OSCP1: variants seen among roughly 807,000 people sequenced by gnomAD.
The protein encoded by OSCP1 is organic solute carrier partner 1.
In OSCP1, 35 loss-of-function variants were observed where a neutral mutation model predicts 45.1. That is an observed-to-expected ratio of 0.78 (90% CI 0.59 to 1.03). The LOEUF (loss-of-function observed/expected upper bound fraction) is 1.03, where lower values mean the gene tolerates loss of function less well. OSCP1 is among the 50% of genes least tolerant of loss of function. The pLI, the probability that OSCP1 is intolerant of heterozygous loss-of-function variation, is 0.00. For synonymous variants in OSCP1, 179 were observed against 180.1 expected (o/e 0.99, Z 0.05); for missense variants, 400 against 470.7 (o/e 0.85, Z 1.39).
At chr1:36,425,172 C>CAAAAAA in intron 4 of OSCP1, among the ~76,000 whole-genome samples, 1 of 118,432 alleles carries the variant, frequency 8.4e-6, no homozygotes, top group Non-Finnish European at 1.8e-5. Flanking sequence ...GACTCTGTCT[C>CAAAAAA]AAAAAAAAAA....
chr1:36,432,189 C>G (rs1194703568), intron 3 of OSCP1, among the ~76,000 whole-genome samples: 2 of 152,178 alleles, frequency 1.3e-5, no homozygotes, highest in Admixed American at 6.6e-5. Flanking sequence ...GAGAAAATGG[C>G]TATGCTCTGT....
In OSCP1 at chr1:36,443,997, A is replaced by G. The variant is rs190155576; in HGVS notation, c.113-5087T>C. On this transcript the variant is annotated intron_variant, in intron 1 of 9. Coordinates refer to ENST00000235532, the MANE Select transcript of OSCP1 (RefSeq NM_145047.5). ...CACTGAACACATGCAGCCCGGAGAT[A>G]GCATACCTCGTTTTCTGTCCACCTC... is the stretch of plus-strand genomic sequence containing the variant. 99 of 1,613,262 alleles carry G rather than the reference A, an allele frequency of 6.1e-5. No individual in the cohort carries two copies. In the African/African-American group the frequency reaches 1.2e-3, roughly 20 times the overall value.
intron 4 of OSCP1, among the ~76,000 whole-genome samples, chr1:36,427,531 A>C (rs1297918684): frequency 2.1e-5 from 3 of 144,082 alleles, no homozygotes; most frequent in South Asian, 2.2e-4. Flanking sequence ...GTTGGCCAGG[A>C]TGGTCTCGAT....
intron 4 of OSCP1, among the ~76,000 whole-genome samples, chr1:36,430,600 C>T (rs57362663): frequency 0.1 from 15,507 of 151,716 alleles, 945 homozygotes; most frequent in East Asian, 0.29. Flanking sequence ...TAAGACACTG[C>T]CTCAAAAAAA....
intron 2 of OSCP1, among the ~76,000 whole-genome samples, chr1:36,433,691 T>C (rs147875923): frequency 6.6e-6 from 1 of 152,188 alleles, no homozygotes; most frequent in African/African-American, 2.4e-5. Context: ...TTTGGGGAGA[T>C]ACACAATATA....
At chr1:36,432,709 C>T (rs1468051722) in intron 2 of OSCP1, 120 bp from the exon 3 acceptor site, 46 of 1,132,284 alleles carry the variant, frequency 4.1e-5, no homozygotes, top group Admixed American at 6.2e-5. Context: ...CCATACAGCT[C>T]GGGGGACCAT....
chr1:36,442,226 C>CAAAAAAAAAAAA (rs72150069), intron 1 of OSCP1, among the ~76,000 whole-genome samples: 1 of 113,932 alleles, frequency 8.8e-6, no homozygotes, highest in Non-Finnish European at 1.9e-5. Flanking sequence ...AACTCCGTCT[C>CAAAAAAAAAAAA]AAAAAAAAAA....
At chr1:36,426,717 AT>A (rs1296077993) in intron 4 of OSCP1, among the ~76,000 whole-genome samples, 1 of 151,634 alleles carries the variant, frequency 6.6e-6, no homozygotes, top group African/African-American at 2.4e-5. Flanking sequence ...TTTTATTTTA[AT>A]TTTTTAAGGC....
chr1:36,427,632 A>G (rs1648062082), intron 4 of OSCP1, among the ~76,000 whole-genome samples: 1 of 152,204 alleles, frequency 6.6e-6, no homozygotes, highest in Admixed American at 6.5e-5. Context: ...CCTTTTCATT[A>G]TAATGAATTT....
chr1:36,418,892 C>T, intron 9 of OSCP1, 99 bp downstream of exon 9: 1 of 990,698 alleles, frequency 1.0e-6, no homozygotes, highest in Non-Finnish European at 1.6e-6. Flanking sequence ...CAAGCCACTG[C>T]ACTTCACCTG....
rs1241219278 is a variant in OSCP1 at position 36,447,622 on chromosome 1, G to C, written c.112+2636C>G. On this transcript the variant is annotated intron_variant, in intron 1 of 9. Coordinates refer to ENST00000235532, the MANE Select transcript of OSCP1 (RefSeq NM_145047.5). The surrounding 1 kb of genome is among the most constrained non-coding windows in gnomAD (Gnocchi z 4.1). The stretch of plus-strand genomic sequence containing the variant: ...TCCTCCTACCAGCCATGTAACTCTG[G>C]GCAAATTAGTCTTAGTTTCTCCATC... 6.6e-6 allele frequency among the ~76,000 whole-genome samples: 1 copy of C among 152,152 alleles called. No homozygotes were observed. The highest frequency in any genetic ancestry group is 1.5e-5 in the Non-Finnish European group (1 of 68,026).
At chr1:36,436,524 C>T (rs976520139) in intron 2 of OSCP1, among the ~76,000 whole-genome samples, 3 of 152,084 alleles carry the variant, frequency 2.0e-5, no homozygotes, top group Non-Finnish European at 2.9e-5. Flanking sequence ...TACAGGCATA[C>T]GCCATTACAC....
At chr1:36,438,642 G>T in intron 2 of OSCP1, 114 bp downstream of exon 2, 1 of 1,260,690 alleles carries the variant, frequency 7.9e-7, no homozygotes, top group Non-Finnish European at 1.1e-6. Flanking sequence ...ATTTACACAT[G>T]CCTGTTTCTT....
intron 4 of OSCP1, among the ~76,000 whole-genome samples, chr1:36,429,024 C>T (rs1202032445): frequency 1.3e-5 from 2 of 152,130 alleles, no homozygotes; most frequent in African/African-American, 2.4e-5. Flanking sequence ...ATCCTCCTGC[C>T]TCAATATCCC....
intron 2 of OSCP1, among the ~76,000 whole-genome samples, chr1:36,433,693 C>T (rs72919383): frequency 0.018 from 2,709 of 152,048 alleles, 89 homozygotes; most frequent in African/African-American, 0.063. Flanking sequence ...TGGGGAGATA[C>T]ACAATATAAT....
chr1:36,444,199 A>G (rs1649369040), intron 1 of OSCP1, among the ~76,000 whole-genome samples: 1 of 152,232 alleles, frequency 6.6e-6, no homozygotes, highest in Admixed American at 6.5e-5. Flanking sequence ...TGAAACCTTT[A>G]AAAGGATGAT....
At chr1:36,422,551 C>T (rs1467868597) in intron 6 of OSCP1, among the ~76,000 whole-genome samples, 1 of 152,162 alleles carries the variant, frequency 6.6e-6, no homozygotes, top group East Asian at 1.9e-4. Flanking sequence ...GGCTATTGAA[C>T]ATCATGTATC....
chr1:36,419,607 C>T (rs1291426886), intron 8 of OSCP1, among the ~76,000 whole-genome samples: 1 of 152,140 alleles, frequency 6.6e-6, no homozygotes, highest in Non-Finnish European at 1.5e-5. Context: ...TGCAAAAGTG[C>T]TCTGTAAACT....
chr1:36,425,948 G>A (rs760454433), intron 4 of OSCP1, among the ~76,000 whole-genome samples: 13 of 152,156 alleles, frequency 8.5e-5, no homozygotes, highest in South Asian at 4.1e-4. Context: ...GGAGGCAGGC[G>A]TGACTGTGGG....
Sources: gnomAD v4.1 joint callset for allele counts (sites outside exome capture counted in the v4.1 genomes callset) on GRCh38, gnomAD v4.1.1 for gene constraint, Gnocchi (gnomAD v3.1) non-coding constraint, MANE v1.5 for transcripts, NCBI Gene and HGNC (gene_info 2026-07-23, HGNC 2026-07-21) for gene names.